The following N4BP1 variants were observed in gnomAD, a reference collection of about 807,000 sequenced individuals.
N4BP1 encodes NEDD4 binding protein 1, also known as NEDD4-binding protein 1.
N4BP1 carries 21 observed loss-of-function variants against 70.9 expected under a neutral mutation model. The observed-to-expected ratio is 0.30, with a 90% CI of 0.21 to 0.43. The LOEUF (loss-of-function observed/expected upper bound fraction) is 0.43. N4BP1 is among the 20% of genes least tolerant of loss of function. The pLI is 1.00. For synonymous variants in N4BP1, 387 were observed against 394.6 expected (o/e 0.98, Z 0.23); for missense variants, 936 against 1,069.4 (o/e 0.88, Z 1.74).
chr16:48,577,632 C>T (rs1362738287), intron 1 of N4BP1: 1 of 221,278 alleles, frequency 4.5e-6, no homozygotes, highest in African/African-American at 2.3e-5. Context: ...TGAACACAGT[C>T]TTCTTCCAGA....
intron 1 of N4BP1, among the ~76,000 whole-genome samples, chr16:48,604,259 G>A (rs1964543447): frequency 6.6e-6 from 1 of 152,192 alleles, no homozygotes; most frequent in Non-Finnish European, 1.5e-5. Context: ...TCAAGTATTA[G>A]AAACATATGG....
At chr16:48,544,604 T>C (rs1963563808) in intron 6 of N4BP1, among the ~76,000 whole-genome samples, 1 of 152,160 alleles carries the variant, frequency 6.6e-6, no homozygotes, top group African/African-American at 2.4e-5. Flanking sequence ...CTAAGAATTA[T>C]GAAAACAGAA....
chr16:48,555,497 A>G (rs1240427245), intron 2 of N4BP1, among the ~76,000 whole-genome samples: 1 of 152,240 alleles, frequency 6.6e-6, no homozygotes, highest in East Asian at 1.9e-4. Context: ...TTTCTTTTTC[A>G]GTGAACCATA....
At chr16:48,607,158 G>A (rs768229427) in intron 1 of N4BP1, among the ~76,000 whole-genome samples, 3 of 152,168 alleles carry the variant, frequency 2.0e-5, no homozygotes, top group Non-Finnish European at 4.4e-5. Flanking sequence ...GCACATACTA[G>A]CAAGAAACTG....
intron 2 of N4BP1, among the ~76,000 whole-genome samples, chr16:48,554,130 C>T (rs1232242316): frequency 2.0e-5 from 3 of 149,948 alleles, no homozygotes; most frequent in South Asian, 2.1e-4. Context: ...AATGGGGGGC[C>T]GTGAAAGGCT....
chr16:48,546,371 C>G, intron 5 of N4BP1, 117 bp from the exon 6 acceptor site: 1 of 585,442 alleles, frequency 1.7e-6, no homozygotes, highest in Non-Finnish European at 2.9e-6. Context: ...CCTACAAATC[C>G]TAAGACTGCT....
chr16:48,558,839 C>A (rs930372254), intron 2 of N4BP1, among the ~76,000 whole-genome samples: 2 of 152,194 alleles, frequency 1.3e-5, no homozygotes, highest in South Asian at 4.1e-4. Flanking sequence ...GCCAAAAAAA[C>A]CAAAGTGAAA....
chr16:48,587,907 G>C lies in N4BP1; in HGVS notation c.198+21868C>G, dbSNP rs540948954. ...TAGCAGATTTTGGGAATTCTGAAGAGAGAGGAATTCATCTAGATGTACAGA... is the reference window on the plus strand; with the variant it reads ...TAGCAGATTTTGGGAATTCTGAAGACAGAGGAATTCATCTAGATGTACAGA... On this transcript the variant is annotated intron_variant, in intron 1 of 6. Transcript: ENST00000262384. 2.6e-5 allele frequency among the ~76,000 whole-genome samples: 4 copies of C among 152,144 alleles called. No individual in the cohort carries two copies. The East Asian group carries it at 7.7e-4, about 29-fold the overall frequency.
intron 1 of N4BP1, among the ~76,000 whole-genome samples, chr16:48,609,542 G>GGTA (rs1394422848): frequency 6.6e-6 from 1 of 152,210 alleles, no homozygotes; most frequent in African/African-American, 2.4e-5. Flanking sequence ...AGCCCTCTGA[G>GGTA]GTAGGTACTT....
chr16:48,567,768 T>A (rs1457596799), intron 1 of N4BP1, among the ~76,000 whole-genome samples: 1 of 152,220 alleles, frequency 6.6e-6, no homozygotes, highest in Non-Finnish European at 1.5e-5. Context: ...TTATTTTCTA[T>A]ATGATGTTTT....
chr16:48,560,614 C>A, intron 2 of N4BP1, 140 bp downstream of exon 2: 2 of 1,129,076 alleles, frequency 1.8e-6, no homozygotes, highest in Admixed American at 2.7e-5. Flanking sequence ...CAGTTGGTTC[C>A]CATTCCCCTC....
At chr16:48,557,264 C>G (rs946293090) in intron 2 of N4BP1, among the ~76,000 whole-genome samples, 3 of 152,176 alleles carry the variant, frequency 2.0e-5, no homozygotes, top group African/African-American at 7.2e-5. Flanking sequence ...TGGGTCAAAT[C>G]AGTGAGCTTT....
intron 1 of N4BP1, among the ~76,000 whole-genome samples, chr16:48,595,001 A>G (rs1597111746): frequency 6.6e-6 from 1 of 152,320 alleles, no homozygotes; most frequent in East Asian, 1.9e-4. Flanking sequence ...AGTTTCTAAT[A>G]ACACTGGAGA....
At position 48,548,102 on chromosome 16, in the gene N4BP1, G is replaced by A. The variant is rs753705797; in HGVS notation, c.2130C>T (p.His710=). 11 of 1,608,190 alleles carry A rather than the reference G, an allele frequency of 6.8e-6. No individual in the cohort carries two copies. The highest frequency in any genetic ancestry group is 9.4e-6 in the Non-Finnish European group (11 of 1,174,940). The change falls in exon 5 of 7, where the codon CAC becomes CAT. Residue 710 remains histidine (H), a synonymous_variant. Coordinates refer to ENST00000262384, the MANE Select transcript of N4BP1 (RefSeq NM_153029.4). ...TTATGCCACCAGTTTTGTCCGCTAA[G>A]TGTAGTAGAAACCTATGGTAATATA... The part of the protein sequence containing the change: ...IASHDDRFLL[H]LADKTGGIIV...
At chr16:48,562,930 T>A (rs779953738) in intron 1 of N4BP1, among the ~76,000 whole-genome samples, 4 of 152,124 alleles carry the variant, frequency 2.6e-5, no homozygotes, top group African/African-American at 9.7e-5. Context: ...CATTAATTTT[T>A]TTTTTCAAAG....
chr16:48,571,988 CAGG>C (rs1181956626), intron 1 of N4BP1, among the ~76,000 whole-genome samples: 1 of 152,044 alleles, frequency 6.6e-6, no homozygotes, highest in Non-Finnish European at 1.5e-5. Context: ...CACTTGAGGC[CAGG>C]AGTTTTGAGA....
At chr16:48,597,030 C>G (rs1964424370) in intron 1 of N4BP1, among the ~76,000 whole-genome samples, 1 of 152,214 alleles carries the variant, frequency 6.6e-6, no homozygotes, top group South Asian at 2.1e-4. Flanking sequence ...CATCTCACTT[C>G]AACCCCCAGT....
chr16:48,586,808 T>C (rs1964252501), intron 1 of N4BP1, among the ~76,000 whole-genome samples: 1 of 152,202 alleles, frequency 6.6e-6, no homozygotes, highest in South Asian at 2.1e-4. Context: ...TTAGTTTCTG[T>C]CAAATCAAAG....
chr16:48,566,517 T>C (rs1339077058), intron 1 of N4BP1, among the ~76,000 whole-genome samples: 2 of 152,250 alleles, frequency 1.3e-5, no homozygotes, highest in African/African-American at 4.8e-5. Context: ...TTTTTGAAGA[T>C]TTCCTGCTAT....
Sources: allele counts gnomAD v4.1 joint callset (sites outside exome capture counted in the v4.1 genomes callset), GRCh38; gene constraint gnomAD v4.1.1; transcripts MANE v1.5; gene names NCBI Gene and HGNC (gene_info 2026-07-23, HGNC 2026-07-21).